EPB41L1: variants seen among roughly 807,000 people sequenced by gnomAD.
EPB41L1 encodes band 4.1-like protein 1.
Under a neutral mutation model 97.8 loss-of-function variants are expected in EPB41L1, and 29 were observed. The ratio of observed to expected loss-of-function variants is 0.30; its 90% CI spans 0.22 to 0.40. EPB41L1 has a LOEUF of 0.40. EPB41L1 is among the 10% of genes least tolerant of loss of function. The pLI is 1.00. For synonymous variants in EPB41L1, 383 were observed against 459.2 expected, an observed-to-expected ratio of 0.83 and a Z score of 2.12; for missense variants, 812 against 1,162.3, an observed-to-expected ratio of 0.70 and a Z score of 4.38.
intron 1 of EPB41L1, among the ~76,000 whole-genome samples, chr20:36,097,393 T>G (rs1356370949): frequency 6.6e-6 from 1 of 152,218 alleles, no homozygotes; most frequent in Non-Finnish European, 1.5e-5. Context: ...TTCACAGGAT[T>G]GTTTTGATAA....
chr20:36,198,127 A>G, intron 14 of EPB41L1, 86 bp downstream of exon 14: 1 of 1,210,544 alleles, frequency 8.3e-7, no homozygotes, highest in East Asian at 2.5e-5. Flanking sequence ...CATCCTCCAC[A>G]CCAATATGCT....
At chr20:36,139,972 C>T (rs1010923926) in intron 2 of EPB41L1, among the ~76,000 whole-genome samples, 9 of 152,042 alleles carry the variant, frequency 5.9e-5, no homozygotes, top group Admixed American at 1.3e-4. Context: ...TCAGGTGATC[C>T]GCCCACCTTG....
chr20:36,107,995 T>C (rs1213236666), intron 1 of EPB41L1, among the ~76,000 whole-genome samples: 1 of 152,098 alleles, frequency 6.6e-6, no homozygotes, highest in Non-Finnish European at 1.5e-5. Context: ...TTTAATTTTT[T>C]TTTTTAGAGG....
chr20:36,127,929 T>A (rs1448912455), intron 2 of EPB41L1, among the ~76,000 whole-genome samples: 3 of 152,150 alleles, frequency 2.0e-5, no homozygotes, highest in Non-Finnish European at 4.4e-5. Flanking sequence ...CTAGAAGCCC[T>A]ACATCCTGCA....
chr20:36,203,524 G>A (rs1452958647), intron 14 of EPB41L1, among the ~76,000 whole-genome samples: 1 of 152,236 alleles, frequency 6.6e-6, no homozygotes, highest in East Asian at 1.9e-4. Context: ...TAGAATTGGG[G>A]CAGGAATGTT....
intron 1 of EPB41L1, among the ~76,000 whole-genome samples, chr20:36,111,227 T>A (rs1468775774): frequency 6.6e-6 from 1 of 152,204 alleles, no homozygotes; most frequent in East Asian, 1.9e-4. Flanking sequence ...AGGTCTGAGT[T>A]ACTCCAGAGC....
In EPB41L1 at chr20:36,130,249, T is replaced by TTTTTTTTG. The variant is rs1555836245; in HGVS notation, c.-10+17775_-10+17776insTGTTTTTT. Among the ~76,000 whole-genome samples, 917 of 150,018 alleles carry TTTTTTTTG rather than the reference T, an allele frequency of 6.1e-3. 6 individuals are homozygous for TTTTTTTTG. Among genetic ancestry groups the TTTTTTTTG allele is most frequent in the African/African-American group, 0.016 (646 of 40,292 alleles). On this transcript the variant is annotated intron_variant, in intron 2 of 19. Transcript: ENST00000202028. ...GAGCCACCTTGCCCAGCAGTGTTTT[T>TTTTTTTTG]TTTTTTGTTTTTTTTAATTAAAACC...
intron 11 of EPB41L1, among the ~76,000 whole-genome samples, chr20:36,191,157 C>G (rs2061931391): frequency 6.6e-6 from 1 of 152,082 alleles, no homozygotes; most frequent in South Asian, 2.1e-4. Flanking sequence ...CAGTGCAGGT[C>G]TGATTCACCC....
chr20:36,156,693 C>T (rs75859045), intron 1 of EPB41L1, among the ~76,000 whole-genome samples: 1 of 152,170 alleles, frequency 6.6e-6, no homozygotes, highest in East Asian at 1.9e-4. Flanking sequence ...CCTCCCAGCC[C>T]TTGCCCTCAG....
At chr20:36,193,803 A>T (rs2062065904) in intron 11 of EPB41L1, among the ~76,000 whole-genome samples, 2 of 152,230 alleles carry the variant, frequency 1.3e-5, no homozygotes, top group Non-Finnish European at 2.9e-5. Flanking sequence ...GCTGCCATTG[A>T]TGGAAGCCTC....
At position 36,207,781 on chromosome 20, in the gene EPB41L1, G is replaced by A; in HGVS notation, c.1669-1707G>A. ...GCTGGCAGAAGCTACTGGAACTGGG[G>A]TAACTGGCCGCGTGAGCCCCCGCCC... On this transcript the variant is annotated intron_variant, in intron 14 of 21. Coordinates refer to ENST00000338074, the MANE Select transcript of EPB41L1 (RefSeq NM_012156.2). This position sits in a 1 kb window ranked among gnomAD's most constrained non-coding sequence, Gnocchi z 4.9. The A allele has an allele frequency of 7.8e-7, 1 of 1,287,498 alleles. No individual in the cohort carries two copies. The highest frequency in any genetic ancestry group is 1.2e-5 in the South Asian group (1 of 80,812). 79.8% of individuals were successfully genotyped at this position (1,287,498 alleles called of 1,614,324 possible).
At chr20:36,217,356 C>T (rs2063507955) in intron 17 of EPB41L1, among the ~76,000 whole-genome samples, 1 of 152,106 alleles carries the variant, frequency 6.6e-6, no homozygotes, top group Non-Finnish European at 1.5e-5. Flanking sequence ...GAGCGGGTGG[C>T]AAGTGAGGAG....
chr20:36,212,415 T>C lies in EPB41L1; in HGVS notation c.2184+39T>C, dbSNP rs1301028198. On this transcript the variant is annotated intron_variant, in intron 16 of 21. Coordinates refer to ENST00000338074, the MANE Select transcript of EPB41L1 (RefSeq NM_012156.2). The surrounding 1 kb of genome is among the most constrained non-coding windows in gnomAD (Gnocchi z 4.8). Reference sequence around the variant, plus strand: ...TCCAATGTACCCTAAGCATGGGTATTGGGCATTTGGTGGTAGGGTCCCCAC... The same window carrying C: ...TCCAATGTACCCTAAGCATGGGTATCGGGCATTTGGTGGTAGGGTCCCCAC... 4.5e-6 allele frequency: 7 copies of C among 1,568,362 alleles called. No homozygotes were observed. In the East Asian group the frequency reaches 1.6e-4, roughly 35 times the overall value.
intron 2 of EPB41L1, chr20:36,125,293 G>T (rs2058917489): frequency 1.6e-6 from 1 of 618,458 alleles, no homozygotes; most frequent in Non-Finnish European, 2.9e-6. Context: ...ATTGTTTCTG[G>T]GGAGTGGAGG....
At chr20:36,221,072 G>C (rs1044979565) in intron 19 of EPB41L1, among the ~76,000 whole-genome samples, 1 of 152,156 alleles carries the variant, frequency 6.6e-6, no homozygotes, top group African/African-American at 2.4e-5. Context: ...TACATCCCAC[G>C]CCCACAGCAG....
chr20:36,193,734 A>G (rs2062063294), intron 11 of EPB41L1, among the ~76,000 whole-genome samples: 1 of 152,240 alleles, frequency 6.6e-6, no homozygotes, highest in South Asian at 2.1e-4. Context: ...GTGTTGCTAA[A>G]TGATGATCAA....
rs907097639 is a variant in EPB41L1 at position 36,190,149 on chromosome 20, C to T, written c.1027-128C>T. 1 of 774,548 alleles carries T rather than the reference C, an allele frequency of 1.3e-6. No homozygotes were observed. Among genetic ancestry groups the T allele is most frequent in the Admixed American group, 2.1e-5 (1 of 48,366 alleles). 48.0% of individuals were successfully genotyped at this position (774,548 alleles called of 1,614,324 possible). A position where few individuals can be genotyped will look rare whatever the true frequency, so the allele number is the denominator to read the frequency against. ...TATGATTGCGCCACTGTACTCCACC[C>T]TGGGCAAATGATCGAGACCCTGTGT... On this transcript the variant is annotated intron_variant, in intron 9 of 21. Transcript: ENST00000338074. This position sits in a 1 kb window ranked among gnomAD's most constrained non-coding sequence, Gnocchi z 5.8.
In EPB41L1 at chr20:36,230,239, T is replaced by C. The variant is rs1339734127; in HGVS notation, c.*899T>C. The C allele has an allele frequency of 1.3e-5, 2 of 152,608 alleles. No homozygotes were observed. The highest frequency in any genetic ancestry group is 2.9e-5 in the Non-Finnish European group (2 of 68,042). 9.5% of individuals were successfully genotyped at this position (152,608 alleles called of 1,614,324 possible). A position where few individuals can be genotyped will look rare whatever the true frequency, so the allele number is the denominator to read the frequency against. On this transcript the variant is annotated 3_prime_UTR_variant, in exon 22 of 22. Coordinates refer to ENST00000338074, the MANE Select transcript of EPB41L1 (RefSeq NM_012156.2). ...TGCTTATGGTTTCTCATTATGAAGG[T>C]GCAGCTTGTAGGAGGTTTGTACGGA...
At chr20:36,215,624 C>T (rs73905305) in intron 17 of EPB41L1, among the ~76,000 whole-genome samples, 2,134 of 152,314 alleles carry the variant, frequency 0.014, 49 homozygotes, top group African/African-American at 0.049. Flanking sequence ...CAGTCCTTCA[C>T]CACGTGTCAT....
Sources: allele counts gnomAD v4.1 joint callset (sites outside exome capture counted in the v4.1 genomes callset), GRCh38; gene constraint gnomAD v4.1.1; non-coding constraint Gnocchi (gnomAD v3.1); transcripts MANE v1.5; gene names NCBI Gene and HGNC (gene_info 2026-07-23, HGNC 2026-07-21).